Variants in VPS8 observed in about 807,000 individuals in gnomAD.
VPS8 encodes VPS8 subunit of CORVET complex.
In VPS8, 129 loss-of-function variants were observed where a neutral mutation model predicts 216.4. The ratio of observed to expected loss-of-function variants is 0.60; its 90% CI spans 0.52 to 0.69. VPS8 has a LOEUF of 0.69. VPS8 is among the 30% of genes least tolerant of loss of function. VPS8 has a pLI of 0.00. For synonymous variants in VPS8, 571 were observed against 565.4 expected (o/e 1.01, Z -0.14); for missense variants, 1,531 against 1,683.5 (o/e 0.91, Z 1.59).
intron 1 of VPS8, among the ~76,000 whole-genome samples, chr3:184,820,071 C>T (rs1188977340): frequency 6.6e-6 from 1 of 152,090 alleles, no homozygotes; most frequent in Non-Finnish European, 1.5e-5. Flanking sequence ...GTAAGTGGAC[C>T]CTTGAAGTTC....
intron 29 of VPS8, among the ~76,000 whole-genome samples, chr3:184,922,770 CAT>C (rs1334357476): frequency 5.5e-5 from 8 of 144,496 alleles, no homozygotes; most frequent in African/African-American, 2.1e-4. Flanking sequence ...TGGATGTTAT[CAT>C]GTGTGCTGAA....
At chr3:184,946,692 A>G (rs567381235) in intron 36 of VPS8, among the ~76,000 whole-genome samples, 1 of 152,098 alleles carries the variant, frequency 6.6e-6, no homozygotes. Flanking sequence ...ATTCCTGAGC[A>G]GTGCTGACCT....
chr3:184,969,207 TCCCAGGTGCAAGCGATTCTC>T (rs1358714972), intron 39 of VPS8, among the ~76,000 whole-genome samples: 1 of 151,968 alleles, frequency 6.6e-6, no homozygotes, highest in Non-Finnish European at 1.5e-5. Context: ...AACCTCTGCC[TCCCAGGTGCAAGCGATTCTC>T]CTGCCTCAGC....
chr3:184,877,588 C>T (rs557668308), intron 21 of VPS8, among the ~76,000 whole-genome samples: 2 of 152,232 alleles, frequency 1.3e-5, no homozygotes, highest in African/African-American at 2.4e-5. Context: ...TTATTATTTA[C>T]CTCCATTTTC....
chr3:184,915,282 A>T, intron 27 of VPS8, 73 bp from the exon 28 acceptor site: 4 of 1,536,810 alleles, frequency 2.6e-6, no homozygotes, highest in Non-Finnish European at 3.5e-6. Context: ...ATTTTATCCA[A>T]ATGAGAATCA....
intron 34 of VPS8, among the ~76,000 whole-genome samples, chr3:184,932,061 C>T (rs1269365333): frequency 2.0e-5 from 3 of 152,128 alleles, no homozygotes; most frequent in Admixed American, 1.3e-4. Context: ...CCCACATCTG[C>T]ATATTTTTTC....
intron 46 of VPS8, among the ~76,000 whole-genome samples, chr3:185,027,278 T>C (rs1757513643): frequency 6.8e-6 from 1 of 146,600 alleles, no homozygotes; most frequent in African/African-American, 2.5e-5. Context: ...AGTCTCGCTC[T>C]GTCGCCCAGG....
intron 44 of VPS8, among the ~76,000 whole-genome samples, chr3:184,997,032 T>G (rs1445508612): frequency 6.6e-6 from 1 of 152,258 alleles, no homozygotes; most frequent in Non-Finnish European, 1.5e-5. Context: ...GTTTGAAATG[T>G]ACTGTTAGAC....
At chr3:184,924,797 GTA>G in intron 29 of VPS8, 63 bp from the exon 30 acceptor site, 1 of 1,163,998 alleles carries the variant, frequency 8.6e-7, no homozygotes. Context: ...TCTTCTAATT[GTA>G]TTTTTTTTTT....
At chr3:184,849,648 G>T (rs970110356) in intron 9 of VPS8, 1 of 400,130 alleles carries the variant, frequency 2.5e-6, no homozygotes, top group Non-Finnish European at 4.5e-6. Flanking sequence ...CTTTTTACTA[G>T]TGCTAAACAG....
intron 42 of VPS8, among the ~76,000 whole-genome samples, chr3:184,987,910 G>T (rs1005713257): frequency 1.3e-5 from 2 of 152,182 alleles, no homozygotes; most frequent in Non-Finnish European, 2.9e-5. Context: ...CAGTGTTTTG[G>T]ATTTTAGACA....
At chr3:184,864,664 T>A (rs938971120) in intron 16 of VPS8, among the ~76,000 whole-genome samples, 9 of 152,324 alleles carry the variant, frequency 5.9e-5, no homozygotes, top group Admixed American at 5.9e-4. Flanking sequence ...AATGGCGCAC[T>A]GGTCCCAGCT....
chr3:184,834,633 T>A lies in VPS8; in HGVS notation c.354-16T>A. ...ATTTTTATCTGTTTTTAAATGTTTT[T>A]CTTTTTTTTTTTCAGGAAGAAGAAA... On this transcript the variant is annotated splice_polypyrimidine_tract_variant and intron_variant, in intron 4 of 47. Transcript: ENST00000625842. The A allele has an allele frequency of 6.6e-7, 1 of 1,505,992 alleles. No individual in the cohort carries two copies. The highest frequency in any genetic ancestry group is 8.9e-7 in the Non-Finnish European group (1 of 1,121,414). The allele number at this position is 1,505,992 out of a possible 1,614,324, so 93.3% of individuals were successfully genotyped here.
intron 46 of VPS8, among the ~76,000 whole-genome samples, chr3:185,034,105 C>T (rs1279602705): frequency 2.6e-5 from 4 of 152,022 alleles, no homozygotes; most frequent in African/African-American, 7.2e-5. Flanking sequence ...CATGTGTGCT[C>T]GATGTTTAGC....
chr3:184,953,583 T>G (rs1048767085), intron 36 of VPS8, among the ~76,000 whole-genome samples: 2 of 152,190 alleles, frequency 1.3e-5, no homozygotes, highest in Non-Finnish European at 2.9e-5. Context: ...GAGTTCTGCA[T>G]GACAGTGGTT....
At chr3:184,863,183 G>A (rs1004052815) in intron 16 of VPS8, 116 bp downstream of exon 16, 4 of 1,253,998 alleles carry the variant, frequency 3.2e-6, no homozygotes, top group African/African-American at 3.0e-5. Flanking sequence ...GTCTTGAGGT[G>A]TTTCTTTACA....
At chr3:184,894,989 C>G (rs1387008399) in intron 23 of VPS8, 64 bp downstream of exon 23, 1 of 1,375,608 alleles carries the variant, frequency 7.3e-7, no homozygotes, top group African/African-American at 1.4e-5. Context: ...ATAACACTTA[C>G]TTCACTGATC....
At chr3:185,031,230 A>T (rs1437688118) in intron 46 of VPS8, among the ~76,000 whole-genome samples, 1 of 152,086 alleles carries the variant, frequency 6.6e-6, no homozygotes, top group Non-Finnish European at 1.5e-5. Flanking sequence ...ACTGAGATAG[A>T]TGCAGCATTT....
chr3:184,852,462 T>G, intron 10 of VPS8, 38 bp from the exon 11 acceptor site: 1 of 1,596,140 alleles, frequency 6.3e-7, no homozygotes, highest in Non-Finnish European at 8.5e-7. Flanking sequence ...CTTGACTGTT[T>G]AAAAATGTAC....
Sources: gnomAD v4.1 joint callset for allele counts (sites outside exome capture counted in the v4.1 genomes callset) on GRCh38, gnomAD v4.1.1 for gene constraint, MANE v1.5 for transcripts, NCBI Gene and HGNC (gene_info 2026-07-23, HGNC 2026-07-21) for gene names.